Variants in ZNF892 observed in about 807,000 individuals in gnomAD.
The protein encoded by ZNF892 is zinc finger protein 892, also known as zinc finger protein 570-like.
the ZNF892 span, chr2:95,214,464 G>A: frequency 1.2e-4 from 49 of 398,384 alleles, no homozygotes; most frequent in Non-Finnish European, 1.9e-4. Context: ...GGATTCTTTA[G>A]AGAGTCAGCA....
At chr2:95,241,458 A>G in the ZNF892 span, among the ~76,000 whole-genome samples, 1 of 152,164 alleles carries the variant, frequency 6.6e-6, no homozygotes, top group Admixed American at 6.5e-5. Context: ...AACAACATCA[A>G]CAAAAAAGAC....
the ZNF892 span, among the ~76,000 whole-genome samples, chr2:95,263,372 G>A: frequency 1.3e-5 from 2 of 152,172 alleles, no homozygotes; most frequent in African/African-American, 4.8e-5. Flanking sequence ...GGAACCAGCC[G>A]AGCTACCCAA....
At chr2:95,238,788 CT>C in the ZNF892 span, among the ~76,000 whole-genome samples, 3 of 152,116 alleles carry the variant, frequency 2.0e-5, no homozygotes, top group African/African-American at 7.2e-5. Flanking sequence ...GGGTTCAAGC[CT>C]TCAGTGAAGG....
At chr2:95,258,819 C>A in the ZNF892 span, among the ~76,000 whole-genome samples, 1 of 152,228 alleles carries the variant, frequency 6.6e-6, no homozygotes, top group Middle Eastern at 3.4e-3. Flanking sequence ...GAGGGCAAAC[C>A]TTTTCCTCCA....
chr2:95,252,733 C>T, the ZNF892 span, among the ~76,000 whole-genome samples: 1 of 152,192 alleles, frequency 6.6e-6, no homozygotes, highest in African/African-American at 2.4e-5. Flanking sequence ...TTCTCCACAT[C>T]CTCTCCAGCA....
the ZNF892 span, chr2:95,232,160 A>C: frequency 6.6e-6 from 1 of 152,174 alleles, no homozygotes; most frequent in Non-Finnish European, 1.5e-5. Context: ...GGGTTTGGAA[A>C]CATGGAAATG....
chr2:95,228,548 CT>C, the ZNF892 span, among the ~76,000 whole-genome samples: 1 of 152,206 alleles, frequency 6.6e-6, no homozygotes, highest in East Asian at 1.9e-4. Context: ...TAATTAATAA[CT>C]TTTCCCTTTG....
chr2:95,237,150 T>A, the ZNF892 span, among the ~76,000 whole-genome samples: 1 of 151,832 alleles, frequency 6.6e-6, no homozygotes, highest in Admixed American at 6.6e-5. Context: ...GCTTTTTTTT[T>A]TTTTTTTTTA....
chr2:95,254,577 AG>A, the ZNF892 span, among the ~76,000 whole-genome samples: 2 of 152,224 alleles, frequency 1.3e-5, no homozygotes, highest in African/African-American at 4.8e-5. Flanking sequence ...CTTTAGTATC[AG>A]GATGATGCTG....
At chr2:95,222,085 A>C in the ZNF892 span, among the ~76,000 whole-genome samples, 3 of 152,020 alleles carry the variant, frequency 2.0e-5, no homozygotes, top group Admixed American at 2.0e-4. Flanking sequence ...ATTCCACTGC[A>C]CCAACAAATT....
chr2:95,248,487 C>G, the ZNF892 span, among the ~76,000 whole-genome samples: 1 of 152,178 alleles, frequency 6.6e-6, no homozygotes, highest in Non-Finnish European at 1.5e-5. Flanking sequence ...CCTCCTGAAT[C>G]TAAAACAACA....
the ZNF892 span, chr2:95,212,426 G>GATA: frequency 2.5e-6 from 1 of 395,818 alleles, no homozygotes; most frequent in Non-Finnish European, 4.5e-6. Flanking sequence ...TCTGTGGATG[G>GATA]TTATCTGTTT....
the ZNF892 span, among the ~76,000 whole-genome samples, chr2:95,246,254 A>T: frequency 2.0e-5 from 3 of 152,324 alleles, no homozygotes; most frequent in East Asian, 3.9e-4. Context: ...AACAGAACTA[A>T]AGACAAAAAC....
At chr2:95,207,570 A>T in the ZNF892 span, 1 of 378,752 alleles carries the variant, frequency 2.6e-6, no homozygotes, top group African/African-American at 2.1e-5. Context: ...CGGCTGTTAG[A>T]TGCCTTTGTC....
the ZNF892 span, among the ~76,000 whole-genome samples, chr2:95,228,791 AG>A: frequency 1.3e-5 from 2 of 152,146 alleles, no homozygotes; most frequent in Non-Finnish European, 2.9e-5. Flanking sequence ...ATATTGTGAA[AG>A]GAAAATATCT....
At chr2:95,261,296 C>T in the ZNF892 span, among the ~76,000 whole-genome samples, 5 of 141,538 alleles carry the variant, frequency 3.5e-5, no homozygotes, top group Non-Finnish European at 4.7e-5. Flanking sequence ...TTACACAATT[C>T]TTTTTTTTTT....
At chr2:95,214,803 GC>G in the ZNF892 span, 1 of 466,844 alleles carries the variant, frequency 2.1e-6, no homozygotes, top group East Asian at 3.2e-5. Context: ...ATGTGGTAAA[GC>G]CTTTAGCCAG....
chr2:95,215,589 A>G, the ZNF892 span: 1 of 402,192 alleles, frequency 2.5e-6, no homozygotes, highest in Non-Finnish European at 4.4e-6. Flanking sequence ...ACACAAGAGA[A>G]TTCATACTGG....
the ZNF892 span, among the ~76,000 whole-genome samples, chr2:95,227,783 AT>A: frequency 2.0e-3 from 294 of 146,124 alleles, no homozygotes; most frequent in African/African-American, 5.3e-3. Context: ...CATCCAAGTG[AT>A]TTTTTTTTTT....
Sources: gnomAD v4.1 joint callset for allele counts (sites outside exome capture counted in the v4.1 genomes callset) on GRCh38, gnomAD v4.1.1 for gene constraint, MANE v1.5 for transcripts, NCBI Gene and HGNC (gene_info 2026-07-23, HGNC 2026-07-21) for gene names.